MAP3K9: variants seen among roughly 807,000 people sequenced by gnomAD.
The protein encoded by MAP3K9 is mixed lineage kinase 1 (tyr and ser/thr specificity).
MAP3K9 carries 46 observed loss-of-function variants against 95.8 expected under a neutral mutation model. That is an observed-to-expected ratio of 0.48 (90% CI 0.38 to 0.61). The LOEUF is 0.61. Ranked by LOEUF, MAP3K9 falls within the 20% of genes least tolerant of loss-of-function variation. MAP3K9 has a pLI of 0.00. For synonymous variants in MAP3K9, 533 were observed against 593.8 expected, an observed-to-expected ratio of 0.90 and a Z score of 1.49; for missense variants, 1,296 against 1,474.3, an observed-to-expected ratio of 0.88 and a Z score of 1.98.
intron 3 of MAP3K9, among the ~76,000 whole-genome samples, chr14:70,760,752 C>T (rs1313961964): frequency 6.6e-6 from 1 of 152,154 alleles, no homozygotes; most frequent in Admixed American, 6.5e-5. Flanking sequence ...ATCTACTGGC[C>T]TTTCCTAGGG....
Position 70,749,964 on chromosome 14 carries a change from C to G in MAP3K9, c.1119G>C (p.Thr373=). ...MNKLALPIPS[T]CPEPFAKLME... The stretch of plus-strand genomic sequence containing the variant: ...TGAGTTTGGCAAAAGGTTCTGGGCA[C>G]GTAGAAGGAATAGGAAGGGCGAGTT... The change falls in exon 4 of 12, where the codon ACG becomes ACC. Residue 373 remains threonine, a synonymous_variant. Coordinates refer to ENST00000554752, the MANE Select transcript of MAP3K9 (RefSeq NM_001284230.2). 6.2e-7 allele frequency: 1 copy of G among 1,614,128 alleles called. No individual in the cohort carries two copies.
chr14:70,763,317 T>C (rs1369598555), intron 2 of MAP3K9, among the ~76,000 whole-genome samples: 3 of 152,186 alleles, frequency 2.0e-5, no homozygotes, highest in Non-Finnish European at 4.4e-5. Flanking sequence ...GGTGGTACCA[T>C]AAGGTAATAA....
chr14:70,793,164 G>A (rs2158529), intron 2 of MAP3K9, among the ~76,000 whole-genome samples: 2 of 152,042 alleles, frequency 1.3e-5, no homozygotes, highest in East Asian at 1.9e-4. Context: ...GGCAGTGGTC[G>A]GCTCCAGCAG....
intron 2 of MAP3K9, among the ~76,000 whole-genome samples, chr14:70,793,051 TG>T (rs1282908997): frequency 6.6e-6 from 1 of 152,140 alleles, no homozygotes; most frequent in Non-Finnish European, 1.5e-5. Flanking sequence ...TCAACAAAAC[TG>T]GAACAGGCAC....
At chr14:70,781,063 T>G (rs2139825671) in intron 2 of MAP3K9, among the ~76,000 whole-genome samples, 1 of 152,356 alleles carries the variant, frequency 6.6e-6, no homozygotes, top group Admixed American at 6.5e-5. Flanking sequence ...AGTGTGATCT[T>G]GACACTTTTC....
rs146653668 is a variant in MAP3K9 at position 70,777,140 on chromosome 14, T to C, written c.821-15958A>G. ...GCCACCACACCCGGCCAAAGATCTCTCACTTTCTACCCATCTCTAGGGCGC... is the reference window on the plus strand; with the variant it reads ...GCCACCACACCCGGCCAAAGATCTCCCACTTTCTACCCATCTCTAGGGCGC... On this transcript the variant is annotated intron_variant, in intron 2 of 11. Transcript: ENST00000554752. Among the ~76,000 whole-genome samples, 350 of 152,232 alleles carry C rather than the reference T, an allele frequency of 2.3e-3. 1 individual carries two copies. Among genetic ancestry groups the C allele is most frequent in the Non-Finnish European group, 4.0e-3 (271 of 68,012 alleles).
At chr14:70,782,988 C>T (rs943936281) in intron 2 of MAP3K9, among the ~76,000 whole-genome samples, 4 of 152,200 alleles carry the variant, frequency 2.6e-5, no homozygotes, top group African/African-American at 7.2e-5. Context: ...GCTGGGAAAA[C>T]GCTCAAATGC....
chr14:70,803,685 T>C (rs1328594570), intron 1 of MAP3K9, among the ~76,000 whole-genome samples: 2 of 152,232 alleles, frequency 1.3e-5, no homozygotes, highest in Non-Finnish European at 2.9e-5. Context: ...GGATAGTCTT[T>C]AGATATACAA....
At chr14:70,780,994 G>A (rs1309827425) in intron 2 of MAP3K9, among the ~76,000 whole-genome samples, 1 of 152,180 alleles carries the variant, frequency 6.6e-6, no homozygotes, top group African/African-American at 2.4e-5. Flanking sequence ...CCCTTAGCAG[G>A]CATGGAAGGT....
At chr14:70,732,088 G>A (rs2053912175) in intron 11 of MAP3K9, among the ~76,000 whole-genome samples, 1 of 152,180 alleles carries the variant, frequency 6.6e-6, no homozygotes, top group Admixed American at 6.5e-5. Flanking sequence ...GAGTGTGTGT[G>A]AACTAATGCT....
At chr14:70,798,948 A>G (rs1006789722) in intron 2 of MAP3K9, among the ~76,000 whole-genome samples, 3 of 152,212 alleles carry the variant, frequency 2.0e-5, no homozygotes, top group African/African-American at 7.2e-5. Context: ...CTAATGTTCC[A>G]TACCCTTACA....
At chr14:70,749,279 G>C (rs922809645) in intron 4 of MAP3K9, among the ~76,000 whole-genome samples, 2 of 152,176 alleles carry the variant, frequency 1.3e-5, no homozygotes, top group African/African-American at 2.4e-5. Context: ...AGCCCAAAGA[G>C]TTTTCTTGTA....
intron 8 of MAP3K9, among the ~76,000 whole-genome samples, chr14:70,736,826 T>C (rs796942215): frequency 4.6e-5 from 7 of 152,316 alleles, no homozygotes; most frequent in African/African-American, 1.4e-4. Context: ...CTGAGGTAGT[T>C]TGCCCTACAT....
At chr14:70,734,738 T>C (rs2053961009) in intron 9 of MAP3K9, among the ~76,000 whole-genome samples, 1 of 152,130 alleles carries the variant, frequency 6.6e-6, no homozygotes, top group African/African-American at 2.4e-5. Context: ...TGTGGAACTG[T>C]AGAAAGAACT....
chr14:70,749,613 T>C (rs1336817897), intron 4 of MAP3K9: 1 of 246,126 alleles, frequency 4.1e-6, no homozygotes, highest in African/African-American at 2.2e-5. Context: ...GTTCTTCACG[T>C]CTCTTAAGGT....
intron 6 of MAP3K9, 146 bp from the exon 7 acceptor site, chr14:70,740,310 T>C: frequency 1.2e-6 from 1 of 848,054 alleles, no homozygotes; most frequent in Non-Finnish European, 1.8e-6. Context: ...TGTTCTCTTT[T>C]AGAATCATCT....
In MAP3K9 at chr14:70,725,451, T is replaced by C. The variant is rs1465850405; in HGVS notation, c.*4929A>G. 3.3e-5 allele frequency: 5 copies of C among 152,318 alleles called. No homozygotes were observed. The East Asian group carries it at 9.6e-4, about 29-fold the overall frequency. The allele number at this position is 152,318 out of a possible 1,614,324, so 9.4% of individuals were successfully genotyped here. ...AAGTCCCGGGCTGAGTCATGATAATTAGGCACCTAAACCCTGTTAATTAGC... is the reference window on the plus strand; with the variant it reads ...AAGTCCCGGGCTGAGTCATGATAATCAGGCACCTAAACCCTGTTAATTAGC... On this transcript the variant is annotated 3_prime_UTR_variant, in exon 12 of 12. Coordinates refer to ENST00000554752, the MANE Select transcript of MAP3K9 (RefSeq NM_001284230.2).
chr14:70,754,561 T>A (rs927508340), intron 3 of MAP3K9, among the ~76,000 whole-genome samples: 3 of 152,156 alleles, frequency 2.0e-5, no homozygotes, highest in African/African-American at 2.4e-5. Flanking sequence ...AAGCTCCACC[T>A]CCCGGGTTCA....
intron 2 of MAP3K9, among the ~76,000 whole-genome samples, chr14:70,775,192 T>C (rs2054581998): frequency 6.6e-6 from 1 of 152,140 alleles, no homozygotes; most frequent in South Asian, 2.1e-4. Flanking sequence ...GCTACTATTT[T>C]TTTGCATACC....
Sources: allele counts gnomAD v4.1 joint callset (sites outside exome capture counted in the v4.1 genomes callset), GRCh38; gene constraint gnomAD v4.1.1; transcripts MANE v1.5; gene names NCBI Gene and HGNC (gene_info 2026-07-23, HGNC 2026-07-21).